CHIC1: variants seen among roughly 807,000 people sequenced by gnomAD.
CHIC1 encodes cysteine-rich hydrophobic domain-containing protein 1.
A neutral mutation model predicts 18.5 loss-of-function variants in CHIC1; 7 were observed. The observed-to-expected ratio is 0.38, with a 90% CI of 0.22 to 0.71. The LOEUF (loss-of-function observed/expected upper bound fraction) is 0.71. Among genes scored for constraint, CHIC1 ranks in the 30% least tolerant of loss-of-function variants. CHIC1 has a pLI of 0.49. For synonymous variants in CHIC1, 77 were observed against 73.5 expected, an observed-to-expected ratio of 1.05 and a Z score of -0.25; for missense variants, 159 against 176.9, an observed-to-expected ratio of 0.90 and a Z score of 0.57.
chrX:73,617,213 A>C (rs1401996149), intron 3 of CHIC1, among the ~76,000 whole-genome samples: 1 of 111,997 alleles, frequency 8.9e-6, no homozygotes, highest in Non-Finnish European at 1.9e-5. Context: ...TTGCTAAAAC[A>C]TAGCAAGAGT....
rs2057424299 is a variant in CHIC1 at position 73,563,217 on chromosome X, C to G, written c.-68C>G. On this transcript the variant is annotated 5_prime_UTR_variant, in exon 1 of 6. Transcript: ENST00000373502. ...TCTTTCTCTTCATTTCGTTCCCCCT[C>G]CTCTTGCAGCACCTCGGCAGGTTCA... The G allele has an allele frequency of 9.7e-7, 1 of 1,035,987 alleles. No individual in the cohort carries two copies. The highest frequency in any genetic ancestry group is 3.8e-5 in the East Asian group (1 of 26,283). 85.4% of individuals were successfully genotyped at this position (1,035,987 alleles called of 1,213,427 possible). A position where few individuals can be genotyped will look rare whatever the true frequency, so the allele number is the denominator to read the frequency against.
chrX:73,607,639 T>C (rs1460882168), intron 3 of CHIC1, among the ~76,000 whole-genome samples: 1 of 109,029 alleles, frequency 9.2e-6, no homozygotes, highest in Non-Finnish European at 1.9e-5. Flanking sequence ...AATCTTCTTG[T>C]CTGTGGGTTG....
chrX:73,568,650 C>T (rs890720805), intron 1 of CHIC1, among the ~76,000 whole-genome samples: 1 of 111,072 alleles, frequency 9.0e-6, no homozygotes, highest in African/African-American at 3.3e-5. Context: ...CATTACCACC[C>T]TCTTTGTATT....
chrX:73,590,077 T>A (rs772374078), intron 3 of CHIC1, among the ~76,000 whole-genome samples: 1 of 111,015 alleles, frequency 9.0e-6, no homozygotes, highest in Admixed American at 9.6e-5. Flanking sequence ...TTATACTTTA[T>A]CTTGGTATGG....
chrX:73,686,913 A>G lies in CHIC1; in HGVS notation c.*5908A>G, dbSNP rs747267010. 1.8e-5 allele frequency: 2 copies of G among 111,561 alleles called. No homozygotes were observed. Among genetic ancestry groups the G allele is most frequent in the African/African-American group, 3.3e-5 (1 of 30,755 alleles). The allele number at this position is 111,561 out of a possible 1,213,427, so 9.2% of individuals were successfully genotyped here. Reference sequence around the variant, plus strand: ...GCATTGTTACATAGCCTGTGGAATGAATTCATTTTTTCTCCCTTGAGTCCA... The same window carrying G: ...GCATTGTTACATAGCCTGTGGAATGGATTCATTTTTTCTCCCTTGAGTCCA... On this transcript the variant is annotated 3_prime_UTR_variant, in exon 6 of 6. Coordinates refer to ENST00000373502, the MANE Select transcript of CHIC1 (RefSeq NM_001039840.4).
intron 3 of CHIC1, among the ~76,000 whole-genome samples, chrX:73,664,236 A>G (rs946884958): frequency 2.7e-5 from 3 of 111,556 alleles, no homozygotes; most frequent in African/African-American, 9.8e-5. Context: ...TGATTTGCCC[A>G]ATGTTTCCCT....
At chrX:73,596,005 C>T (rs1270026694) in intron 3 of CHIC1, among the ~76,000 whole-genome samples, 1 of 111,463 alleles carries the variant, frequency 9.0e-6, no homozygotes, top group East Asian at 2.8e-4. Flanking sequence ...ATTCTTTGCC[C>T]ACTTTTTGAT....
At position 73,686,993 on chromosome X, in the gene CHIC1, A is replaced by C. The variant is rs1339991312; in HGVS notation, c.*5988A>C. The C allele has an allele frequency of 2.7e-5, 3 of 111,854 alleles. No individual in the cohort carries two copies. Among genetic ancestry groups the C allele is most frequent in the Non-Finnish European group, 5.7e-5 (3 of 53,035 alleles). 9.2% of individuals were successfully genotyped at this position (111,854 alleles called of 1,213,427 possible). On this transcript the variant is annotated 3_prime_UTR_variant, in exon 6 of 6. Transcript: ENST00000373502. ...ATATACAGCTGTGCCAAAATGAAGG[A>C]TACCTGCCTCTCCGAAACTTTCACT...
chrX:73,645,321 C>T (rs754358035), intron 3 of CHIC1, among the ~76,000 whole-genome samples: 2 of 112,153 alleles, frequency 1.8e-5, no homozygotes, highest in South Asian at 7.5e-4. Context: ...TTGATGGACA[C>T]TTAGGTATCT....
intron 3 of CHIC1, among the ~76,000 whole-genome samples, chrX:73,671,392 T>C (rs1169822952): frequency 1.8e-5 from 2 of 112,225 alleles, no homozygotes; most frequent in Admixed American, 9.5e-5. Context: ...TTTATCCATC[T>C]CTTCTCTTCT....
At chrX:73,601,736 C>T (rs1286177809) in intron 3 of CHIC1, among the ~76,000 whole-genome samples, 6 of 104,975 alleles carry the variant, frequency 5.7e-5, no homozygotes, top group African/African-American at 2.2e-4. Context: ...GAAATAGAGA[C>T]ACAAAAAACC....
At position 73,672,825 on chromosome X, in the gene CHIC1, C is replaced by T. The variant is rs1469046037; in HGVS notation, c.508-6501C>T. On this transcript the variant is annotated intron_variant, in intron 3 of 5. Coordinates refer to ENST00000373502, the MANE Select transcript of CHIC1 (RefSeq NM_001039840.4). ...TTGCCATTGCTTTTGGTGTTTTAGA[C>T]ATGAAGTCCTTGCCCATGCCTATGT... 4.5e-5 allele frequency among the ~76,000 whole-genome samples: 5 copies of T among 111,780 alleles called. No individual in the cohort carries two copies. In the East Asian group the frequency reaches 1.4e-3, roughly 31 times the overall value.
intron 3 of CHIC1, among the ~76,000 whole-genome samples, chrX:73,644,965 GCTGCACCCACTGTC>G (rs1242200330): frequency 3.6e-5 from 4 of 112,281 alleles, no homozygotes; most frequent in African/African-American, 6.5e-5. Flanking sequence ...CACCCGGTGC[GCTGCACCCACTGTC>G]CTGCACCCAC....
chrX:73,628,030 T>C (rs754689643), intron 3 of CHIC1, among the ~76,000 whole-genome samples: 1 of 111,378 alleles, frequency 9.0e-6, no homozygotes, highest in South Asian at 3.9e-4. Flanking sequence ...CAGGACTTGG[T>C]CCTTTCCTTC....
At chrX:73,633,739 T>C (rs2147595055) in intron 3 of CHIC1, among the ~76,000 whole-genome samples, 1 of 111,523 alleles carries the variant, frequency 9.0e-6, no homozygotes, top group African/African-American at 3.3e-5. Context: ...TTTTTTTTCT[T>C]TTTCTCCCTA....
At chrX:73,641,953 A>G (rs1368813577) in intron 3 of CHIC1, among the ~76,000 whole-genome samples, 1 of 111,607 alleles carries the variant, frequency 9.0e-6, no homozygotes, top group Non-Finnish European at 1.9e-5. Flanking sequence ...AGTCTTTGCT[A>G]TTGTGAATAG....
chrX:73,663,639 C>T (rs184144836), intron 3 of CHIC1, among the ~76,000 whole-genome samples: 69 of 110,724 alleles, frequency 6.2e-4, no homozygotes, highest in Admixed American at 3.5e-3. Flanking sequence ...TCGAAATGTC[C>T]GCCCCTGTGT....
intron 3 of CHIC1, among the ~76,000 whole-genome samples, chrX:73,674,273 T>A (rs1395392181): frequency 8.9e-6 from 1 of 112,028 alleles, no homozygotes; most frequent in Non-Finnish European, 1.9e-5. Flanking sequence ...AGATTCCCTC[T>A]TTTTCTATTG....
rs1398217146 is a variant in CHIC1 at position 73,563,595 on chromosome X, G to A, written c.296+15G>A. The A allele has an allele frequency of 9.5e-7, 1 of 1,054,382 alleles. No individual in the cohort carries two copies. The highest frequency in any genetic ancestry group is 3.1e-5 in the South Asian group (1 of 31,841). The allele number at this position is 1,054,382 out of a possible 1,213,427, so 86.9% of individuals were successfully genotyped here. ...CACATCACTGTGTAAGCGAGAGGGGGTCTTGGGACTTGAAATGCCTGAGAT... is the reference window on the plus strand; with the variant it reads ...CACATCACTGTGTAAGCGAGAGGGGATCTTGGGACTTGAAATGCCTGAGAT... On this transcript the variant is annotated intron_variant, in intron 1 of 5. Transcript: ENST00000373502.
Sources: gnomAD v4.1 joint callset for allele counts (sites outside exome capture counted in the v4.1 genomes callset) on GRCh38, gnomAD v4.1.1 for gene constraint, MANE v1.5 for transcripts, NCBI Gene and HGNC (gene_info 2026-07-23, HGNC 2026-07-21) for gene names.